The following ZNF385B variants were observed in gnomAD, a reference collection of about 807,000 sequenced individuals.
ZNF385B encodes zinc finger protein 533.
ZNF385B carries 23 observed loss-of-function variants against 39.2 expected under a neutral mutation model. The ratio of observed to expected loss-of-function variants is 0.59; its 90% CI spans 0.42 to 0.83. The LOEUF (loss-of-function observed/expected upper bound fraction) is 0.83. Ranked by LOEUF, ZNF385B falls within the 40% of genes least tolerant of loss-of-function variation. The pLI, the probability that ZNF385B is intolerant of heterozygous loss-of-function variation, is 0.00. For synonymous variants in ZNF385B, 205 were observed against 222.6 expected (o/e 0.92, Z 0.70); for missense variants, 552 against 598.9 (o/e 0.92, Z 0.82).
intron 4 of ZNF385B, among the ~76,000 whole-genome samples, chr2:179,525,895 T>C (rs531477452): frequency 9.8e-5 from 15 of 152,348 alleles, no homozygotes; most frequent in African/African-American, 3.4e-4. Context: ...TGCTTTTATG[T>C]TGATGTTTTA....
intron 3 of ZNF385B, among the ~76,000 whole-genome samples, chr2:179,733,227 A>T (rs1331798893): frequency 6.6e-6 from 1 of 152,186 alleles, no homozygotes; most frequent in Non-Finnish European, 1.5e-5. Flanking sequence ...CTTCTAGGCA[A>T]CATACACTTA....
chr2:179,648,404 C>T (rs557237898), intron 3 of ZNF385B, among the ~76,000 whole-genome samples: 93 of 152,152 alleles, frequency 6.1e-4, no homozygotes, highest in Non-Finnish European at 1.2e-3. Context: ...TCTGTGGTGT[C>T]AGATTGGAGG....
chr2:179,585,403 A>G (rs1215929754), intron 3 of ZNF385B, among the ~76,000 whole-genome samples: 1 of 152,148 alleles, frequency 6.6e-6, no homozygotes, highest in Non-Finnish European at 1.5e-5. Context: ...CACATGATTC[A>G]GGGTGTCTTT....
chr2:179,519,052 T>C (rs545650000), intron 4 of ZNF385B, among the ~76,000 whole-genome samples: 1 of 152,142 alleles, frequency 6.6e-6, no homozygotes, highest in African/African-American at 2.4e-5. Flanking sequence ...GTGATCATAG[T>C]TCACTGCAGC....
chr2:179,734,012 A>G (rs1025904353), intron 3 of ZNF385B, among the ~76,000 whole-genome samples: 2 of 152,096 alleles, frequency 1.3e-5, no homozygotes, highest in Non-Finnish European at 2.9e-5. Context: ...TACACAAACA[A>G]TATATACTTT....
intron 3 of ZNF385B, among the ~76,000 whole-genome samples, chr2:179,717,078 T>A (rs1477377381): frequency 6.6e-6 from 1 of 152,324 alleles, no homozygotes; most frequent in Non-Finnish European, 1.5e-5. Context: ...TACTCTGTTA[T>A]GCAGCAATGG....
intron 6 of ZNF385B, among the ~76,000 whole-genome samples, chr2:179,453,798 C>A (rs533230553): frequency 6.6e-6 from 1 of 152,104 alleles, no homozygotes; most frequent in Admixed American, 6.6e-5. Context: ...AAGTGTGGAC[C>A]TTTAGTGGCA....
At chr2:179,467,925 G>A (rs894106126) in intron 6 of ZNF385B, among the ~76,000 whole-genome samples, 2 of 152,172 alleles carry the variant, frequency 1.3e-5, no homozygotes, top group South Asian at 4.1e-4. Context: ...ACATCTTCTG[G>A]TAATTCTCTG....
At chr2:179,651,508 A>G (rs1693190652) in intron 3 of ZNF385B, among the ~76,000 whole-genome samples, 1 of 152,160 alleles carries the variant, frequency 6.6e-6, no homozygotes, top group African/African-American at 2.4e-5. Context: ...ACCACGCATA[A>G]TATTTTAAAA....
intron 6 of ZNF385B, among the ~76,000 whole-genome samples, chr2:179,469,587 T>C (rs147823370): frequency 7.2e-4 from 110 of 152,294 alleles, no homozygotes; most frequent in African/African-American, 2.4e-3. Flanking sequence ...TGGCCGACTT[T>C]GGGTAAGTGG....
intron 5 of ZNF385B, among the ~76,000 whole-genome samples, chr2:179,493,545 A>G (rs2055547558): frequency 6.6e-6 from 1 of 150,402 alleles, no homozygotes; most frequent in Non-Finnish European, 1.5e-5. Flanking sequence ...GCGTATACAT[A>G]CGTGTACATG....
At chr2:179,603,983 G>C (rs772983937) in intron 3 of ZNF385B, among the ~76,000 whole-genome samples, 3 of 152,038 alleles carry the variant, frequency 2.0e-5, no homozygotes, top group Non-Finnish European at 4.4e-5. Context: ...ACTAATAAAA[G>C]GTACAAATAG....
chr2:179,817,033 C>G (rs990158674), intron 1 of ZNF385B, among the ~76,000 whole-genome samples: 1 of 152,090 alleles, frequency 6.6e-6, no homozygotes, highest in Non-Finnish European at 1.5e-5. Context: ...GTGAATAACA[C>G]TAGGCATTTT....
intron 3 of ZNF385B, among the ~76,000 whole-genome samples, chr2:179,656,440 C>T (rs1335125895): frequency 6.6e-6 from 1 of 152,038 alleles, no homozygotes; most frequent in Admixed American, 6.6e-5. Context: ...ATATCTTGTC[C>T]TCAAGTCTTT....
chr2:179,620,653 G>A (rs1294873490), intron 3 of ZNF385B, among the ~76,000 whole-genome samples: 8 of 152,012 alleles, frequency 5.3e-5, no homozygotes, highest in South Asian at 2.1e-4. Context: ...GATCGGTAAA[G>A]AATATGAACT....
At chr2:179,557,693 A>G (rs1037952851) in intron 3 of ZNF385B, among the ~76,000 whole-genome samples, 1 of 150,534 alleles carries the variant, frequency 6.6e-6, no homozygotes, top group Non-Finnish European at 1.5e-5. Flanking sequence ...CATGCTATAT[A>G]TGTATATATG....
intron 3 of ZNF385B, among the ~76,000 whole-genome samples, chr2:179,623,728 G>A (rs979929202): frequency 6.6e-5 from 10 of 152,108 alleles, no homozygotes; most frequent in African/African-American, 2.2e-4. Context: ...GCTTACCTTT[G>A]CTTTCTCCAA....
chr2:179,495,958 C>T (rs1048739261), intron 5 of ZNF385B, among the ~76,000 whole-genome samples: 6 of 152,128 alleles, frequency 3.9e-5, no homozygotes, highest in African/African-American at 1.4e-4. Context: ...CTATTAGTAT[C>T]AACACTATCC....
intron 3 of ZNF385B, among the ~76,000 whole-genome samples, chr2:179,736,948 G>A (rs1048533230): frequency 1.3e-5 from 2 of 152,164 alleles, no homozygotes; most frequent in African/African-American, 2.4e-5. Flanking sequence ...CCAGCCTGGC[G>A]ACAGAGCGAG....
Sources: gnomAD v4.1 joint callset for allele counts (sites outside exome capture counted in the v4.1 genomes callset) on GRCh38, gnomAD v4.1.1 for gene constraint, MANE v1.5 for transcripts, NCBI Gene and HGNC (gene_info 2026-07-23, HGNC 2026-07-21) for gene names.